The following PTPRQ variants were observed in gnomAD, a reference collection of about 807,000 sequenced individuals.
PTPRQ encodes phosphatidylinositol phosphatase PTPRQ.
Under a neutral mutation model 246.0 loss-of-function variants are expected in PTPRQ, and 199 were observed. The observed-to-expected ratio is 0.81, with a 90% confidence interval of 0.72 to 0.91. The LOEUF (loss-of-function observed/expected upper bound fraction) is 0.91, where lower values mean the gene tolerates loss of function less well. Ranked by LOEUF, PTPRQ falls within the 40% of genes least tolerant of loss-of-function variation. The probability of loss-of-function intolerance (pLI) is 0.00; values close to 1 mark genes in which losing one functional copy is unlikely to be tolerated. For synonymous variants in PTPRQ, 869 were observed against 853.2 expected (o/e 1.02, Z -0.32); for missense variants, 2,624 against 2,528.4 (o/e 1.04, Z -0.81).
At chr12:80,505,837 A>G (rs1407267802) in intron 14 of PTPRQ, among the ~76,000 whole-genome samples, 187 bp from the exon 15 acceptor site, 1 of 151,894 alleles carries the variant, frequency 6.6e-6, no homozygotes, top group African/African-American at 2.4e-5. Context: ...TTTTGAATGA[A>G]AATTTTTCTT....
In PTPRQ at chr12:80,460,618, C is replaced by T. The variant is rs545018099; in HGVS notation, c.661-35C>T. ...TTCTTATGTTCACCAAGAGATACAA[C>T]ATTATTTCTCTATTGATCTTATTTT... On this transcript the variant is annotated intron_variant, in intron 5 of 44. Transcript: ENST00000644991. 3 of 398,416 alleles carry T rather than the reference C, an allele frequency of 7.5e-6. No homozygotes were observed. In the South Asian group the frequency reaches 3.8e-4, roughly 51 times the overall value. The allele number at this position is 398,416 out of a possible 1,614,324, so 24.7% of individuals were successfully genotyped here. A position where few individuals can be genotyped will look rare whatever the true frequency, so the allele number is the denominator to read the frequency against.
intron 9 of PTPRQ, among the ~76,000 whole-genome samples, chr12:80,491,196 G>C (rs1258626321): frequency 6.6e-6 from 1 of 151,960 alleles, no homozygotes; most frequent in African/African-American, 2.4e-5. Flanking sequence ...ACATGGGATA[G>C]AAAATATTGA....
intron 35 of PTPRQ, among the ~76,000 whole-genome samples, chr12:80,641,249 A>G (rs973983735): frequency 1.3e-5 from 2 of 152,210 alleles, no homozygotes; most frequent in Non-Finnish European, 2.9e-5. Flanking sequence ...ATAGCAGAAT[A>G]TCAGCACTAG....
intron 17 of PTPRQ, among the ~76,000 whole-genome samples, chr12:80,513,541 G>T (rs1424553644): frequency 2.0e-5 from 3 of 152,026 alleles, no homozygotes; most frequent in Non-Finnish European, 4.4e-5. Flanking sequence ...GGTGGGCCAG[G>T]GTGGTGTTGG....
chr12:80,533,997 ATAT>A lies in PTPRQ; in HGVS notation c.2679-16_2679-14del. 1 of 1,450,064 alleles carries A rather than the reference ATAT, an allele frequency of 6.9e-7. No individual in the cohort carries two copies. Among genetic ancestry groups the A allele is most frequent in the Non-Finnish European group, 9.1e-7 (1 of 1,098,382 alleles). The allele number at this position is 1,450,064 out of a possible 1,614,324, so 89.8% of individuals were successfully genotyped here. The stretch of plus-strand genomic sequence containing the variant: ...CTTTTAAAATTCAATTCTACAGATA[ATAT>A]TCTTTTTATCTCAGGAATAGATCAT... On this transcript the variant is annotated splice_polypyrimidine_tract_variant and intron_variant, in intron 17 of 44. Coordinates refer to ENST00000644991, the MANE Select transcript of PTPRQ (RefSeq NM_001145026.2).
chr12:80,497,479 C>T (rs1894665985), intron 14 of PTPRQ, among the ~76,000 whole-genome samples: 1 of 152,028 alleles, frequency 6.6e-6, no homozygotes, highest in African/African-American at 2.4e-5. Context: ...TGCTCACCTG[C>T]TGTGTGGCCC....
At chr12:80,615,581 T>G (rs1335378486) in intron 29 of PTPRQ, among the ~76,000 whole-genome samples, 2 of 151,118 alleles carry the variant, frequency 1.3e-5, no homozygotes, top group Non-Finnish European at 3.0e-5. Context: ...ATGTTTTATG[T>G]GTATATGCTG....
chr12:80,662,190 AT>A (rs1181208918), intron 39 of PTPRQ, among the ~76,000 whole-genome samples: 4 of 151,956 alleles, frequency 2.6e-5, no homozygotes, highest in Non-Finnish European at 5.9e-5. Context: ...GAAAAGAAGG[AT>A]TGGTCTGACC....
At chr12:80,562,510 C>A (rs182898678) in intron 25 of PTPRQ, among the ~76,000 whole-genome samples, 1 of 151,882 alleles carries the variant, frequency 6.6e-6, no homozygotes, top group Non-Finnish European at 1.5e-5. Flanking sequence ...CAACACTTCT[C>A]GATAATTCAT....
intron 17 of PTPRQ, among the ~76,000 whole-genome samples, chr12:80,526,371 C>T (rs1172478535): frequency 6.6e-6 from 1 of 151,964 alleles, no homozygotes; most frequent in Non-Finnish European, 1.5e-5. Context: ...ACATATCAGT[C>T]CAAAGACTAT....
intron 9 of PTPRQ, among the ~76,000 whole-genome samples, chr12:80,492,319 A>T (rs2120641479): frequency 6.6e-6 from 1 of 152,100 alleles, no homozygotes; most frequent in South Asian, 2.1e-4. Flanking sequence ...AATTACTAAT[A>T]CCATCCTGGT....
intron 27 of PTPRQ, among the ~76,000 whole-genome samples, chr12:80,606,457 A>G (rs1898324941): frequency 6.6e-6 from 1 of 150,974 alleles, no homozygotes; most frequent in Admixed American, 6.6e-5. Flanking sequence ...AACCCTTCAT[A>G]TAAGATAGGA....
At chr12:80,457,453 G>C (rs1402759833) in intron 3 of PTPRQ, 122 bp from the exon 4 acceptor site, 1 of 397,044 alleles carries the variant, frequency 2.5e-6, no homozygotes, top group Non-Finnish European at 4.5e-6. Flanking sequence ...TCTTCCTTGA[G>C]AGTATTAAAA....
intron 26 of PTPRQ, among the ~76,000 whole-genome samples, chr12:80,599,767 G>A (rs183075757): frequency 6.6e-6 from 1 of 151,322 alleles, no homozygotes; most frequent in East Asian, 1.9e-4. Context: ...GCATTTTGGT[G>A]TTCTAAATAT....
chr12:80,642,691 C>T (rs904409947), intron 35 of PTPRQ, among the ~76,000 whole-genome samples: 1 of 151,532 alleles, frequency 6.6e-6, no homozygotes, highest in African/African-American at 2.4e-5. Flanking sequence ...GAGGCCGAGG[C>T]GGGCGGATCA....
chr12:80,671,921 G>T (rs1362326817), intron 42 of PTPRQ, among the ~76,000 whole-genome samples: 2 of 151,966 alleles, frequency 1.3e-5, no homozygotes, highest in African/African-American at 4.8e-5. Context: ...GGTCTCCCCT[G>T]ATTTTTGAAC....
intron 29 of PTPRQ, among the ~76,000 whole-genome samples, chr12:80,614,904 C>G (rs1343765772): frequency 6.6e-6 from 1 of 150,744 alleles, no homozygotes; most frequent in African/African-American, 2.4e-5. Context: ...AAATAGGAAC[C>G]AAAAATGTGC....
At chr12:80,518,961 C>G (rs781270579) in intron 17 of PTPRQ, among the ~76,000 whole-genome samples, 4 of 152,010 alleles carry the variant, frequency 2.6e-5, no homozygotes, top group Non-Finnish European at 5.9e-5. Context: ...TATTCTGGGT[C>G]TTTCATGGTT....
chr12:80,663,725 T>C (rs1362242292), intron 39 of PTPRQ, among the ~76,000 whole-genome samples: 1 of 151,908 alleles, frequency 6.6e-6, no homozygotes, highest in Non-Finnish European at 1.5e-5. Context: ...TGCAGTGACT[T>C]GCCTTCCACA....
Sources: allele counts gnomAD v4.1 joint callset (sites outside exome capture counted in the v4.1 genomes callset), GRCh38; gene constraint gnomAD v4.1.1; transcripts MANE v1.5; gene names NCBI Gene and HGNC (gene_info 2026-07-23, HGNC 2026-07-21).